FAM76B: variants seen among roughly 807,000 people sequenced by gnomAD.
The protein encoded by FAM76B is protein FAM76B.
FAM76B carries 16 observed loss-of-function variants against 51.8 expected under a neutral mutation model. That is an observed-to-expected ratio of 0.31 (90% CI 0.21 to 0.47). The LOEUF (loss-of-function observed/expected upper bound fraction) is 0.47. FAM76B is among the 20% of genes least tolerant of loss of function. FAM76B has a pLI of 1.00. For missense variants in FAM76B, 342 were observed against 392.6 expected, an observed-to-expected ratio of 0.87 and a Z score of 1.09; for synonymous variants, 166 against 129.5, an observed-to-expected ratio of 1.28 and a Z score of -1.91.
At position 95,772,061 on chromosome 11, in the gene FAM76B, G is replaced by A. The variant is rs1591005977; in HGVS notation, c.931-411C>T. Among the ~76,000 whole-genome samples, 5 of 151,186 alleles carry A rather than the reference G, an allele frequency of 3.3e-5. No homozygotes were observed. In the South Asian group the frequency reaches 1.0e-3, roughly 31 times the overall value. ...CAAAGAATGAATCAAGATTTGGGAGGAGTATTTCCTGGCAAGCTGTATAAG... is the reference window on the plus strand; with the variant it reads ...CAAAGAATGAATCAAGATTTGGGAGAAGTATTTCCTGGCAAGCTGTATAAG... On this transcript the variant is annotated intron_variant, in intron 9 of 9. Coordinates refer to ENST00000358780, the MANE Select transcript of FAM76B (RefSeq NM_144664.5).
intron 5 of FAM76B, among the ~76,000 whole-genome samples, chr11:95,780,204 A>T (rs2120236667): frequency 6.6e-6 from 1 of 152,036 alleles, no homozygotes; most frequent in South Asian, 2.1e-4. Context: ...AGGGTGGGTT[A>T]CACAAGTAGT....
chr11:95,778,213 A>G (rs1471266869), intron 8 of FAM76B, among the ~76,000 whole-genome samples: 4 of 151,540 alleles, frequency 2.6e-5, no homozygotes, highest in Non-Finnish European at 5.9e-5. Context: ...ATAGCACAAG[A>G]CCTTAAATCC....
chr11:95,788,018 G>A (rs1340014454), intron 2 of FAM76B, among the ~76,000 whole-genome samples: 1 of 152,054 alleles, frequency 6.6e-6, no homozygotes, highest in Non-Finnish European at 1.5e-5. Flanking sequence ...ACATTATAAT[G>A]CCCACACCTA....
intron 7 of FAM76B, 75 bp downstream of exon 7, chr11:95,779,532 T>C (rs890795528): frequency 1.6e-5 from 19 of 1,192,362 alleles, no homozygotes; most frequent in African/African-American, 3.1e-5. Flanking sequence ...TTTTTTTATC[T>C]AGTAATAACT....
intron 2 of FAM76B, among the ~76,000 whole-genome samples, chr11:95,788,264 T>C (rs1272123776): frequency 6.6e-6 from 1 of 152,252 alleles, no homozygotes; most frequent in Non-Finnish European, 1.5e-5. Flanking sequence ...AGGCTGTACA[T>C]TTTCCATGTA....
At position 95,789,271 on chromosome 11, in the gene FAM76B, G is replaced by A. The variant is rs187993188; in HGVS notation, c.87+121C>T. 670 of 1,119,516 alleles carry A rather than the reference G, an allele frequency of 6.0e-4. 5 individuals carry two copies. The African/African-American group carries it at 9.6e-3, about 16-fold the overall frequency. 69.3% of individuals were successfully genotyped at this position (1,119,516 alleles called of 1,614,324 possible). On this transcript the variant is annotated intron_variant, in intron 1 of 9. Coordinates refer to ENST00000358780, the MANE Select transcript of FAM76B (RefSeq NM_144664.5). ...AGGGGTCCCCGAGTGGGGAGGCGAG[G>A]GCTCCAGACTCCCAAACCCCTGAGG...
chr11:95,781,493 C>T (rs1055738833), intron 5 of FAM76B, among the ~76,000 whole-genome samples: 1 of 151,994 alleles, frequency 6.6e-6, no homozygotes, highest in African/African-American at 2.4e-5. Context: ...TTTTTGAAAC[C>T]TGTCATTCTT....
intron 4 of FAM76B, among the ~76,000 whole-genome samples, chr11:95,785,113 G>A (rs1387932690): frequency 6.6e-6 from 1 of 152,148 alleles, no homozygotes; most frequent in Non-Finnish European, 1.5e-5. Context: ...AAGGGATAAA[G>A]ACCACATTCA....
intron 9 of FAM76B, 154 bp downstream of exon 9, chr11:95,775,768 A>T: frequency 4.5e-6 from 2 of 442,220 alleles, no homozygotes; most frequent in Non-Finnish European, 8.0e-6. Context: ...TTCTAATGAG[A>T]TCAAGATTAA....
In FAM76B at chr11:95,789,320, G is replaced by A. The variant is rs1203519285; in HGVS notation, c.87+72C>T. On this transcript the variant is annotated intron_variant, in intron 1 of 9. Transcript: ENST00000358780. Reference sequence around the variant, plus strand: ...GGCGCCGGCGAAGAGGGGCTGCAGTGCAGCGGCTACCCGGCCCCCTCCGGC... The same window carrying A: ...GGCGCCGGCGAAGAGGGGCTGCAGTACAGCGGCTACCCGGCCCCCTCCGGC... 5 of 1,484,862 alleles carry A rather than the reference G, an allele frequency of 3.4e-6. No homozygotes were observed. The East Asian group carries it at 1.2e-4, about 37-fold the overall frequency. 92.0% of individuals were successfully genotyped at this position (1,484,862 alleles called of 1,614,324 possible). A position where few individuals can be genotyped will look rare whatever the true frequency, so the allele number is the denominator to read the frequency against.
rs1860734253 is a variant in FAM76B, at chr11:95,788,530, T to C, written c.121A>G (p.Thr41Ala). 6.2e-7 allele frequency: 1 copy of C among 1,612,978 alleles called. No homozygotes were observed. Among genetic ancestry groups the C allele is most frequent in the Non-Finnish European group, 8.5e-7 (1 of 1,179,590 alleles). ...TGTTGAAATTCTGATCTGCAGTAAG[T>C]ACATTTTACAATAGGATGTGCAATC... is the stretch of plus-strand genomic sequence containing the variant. ...CRIAHPIVKC[T>A]YCRSEFQQES... is the part of the protein sequence containing the mutation. The change falls in exon 2 of 10, where the codon ACT becomes GCT. Residue 41 changes from threonine (T) to alanine (A), a missense_variant. This residue lies in a region of FAM76B where 96 missense variants were observed against 94.7 expected (regional missense o/e 1.01). Coordinates refer to ENST00000358780, the MANE Select transcript of FAM76B (RefSeq NM_144664.5).
Position 95,788,479 on chromosome 11 carries a change from A to G in FAM76B, c.152+20T>C, listed in dbSNP as rs776044356. 4 of 1,577,664 alleles carry G rather than the reference A, an allele frequency of 2.5e-6. No individual in the cohort carries two copies. Among genetic ancestry groups the G allele is most frequent in the Non-Finnish European group, 3.5e-6 (4 of 1,148,954 alleles). ...GACAACACTTGTCTTTAACAGTCAA[A>G]AACTATTCAGTATACAAACCTCTCT... On this transcript the variant is annotated intron_variant, in intron 2 of 9. Coordinates refer to ENST00000358780, the MANE Select transcript of FAM76B (RefSeq NM_144664.5).
At chr11:95,788,598 T>C (rs755982026) in intron 1 of FAM76B, 35 bp from the exon 2 acceptor site, 3 of 1,578,074 alleles carry the variant, frequency 1.9e-6, no homozygotes, top group South Asian at 2.2e-5. Flanking sequence ...AGTATCTTTC[T>C]GAAAGTCCCA....
intron 5 of FAM76B, among the ~76,000 whole-genome samples, chr11:95,780,487 A>C (rs143294768): frequency 1.7e-3 from 252 of 152,118 alleles, no homozygotes; most frequent in African/African-American, 4.3e-3. Flanking sequence ...AACTATTGAG[A>C]AATTTCATAG....
At position 95,789,392 on chromosome 11, in the gene FAM76B, C is replaced by G; in HGVS notation, c.87G>C (p.Lys29Asn). The change falls in exon 1 of 10, where the codon AAG (lysine) becomes AAC (asparagine). Residue 29 changes from lysine to asparagine, a missense_variant and splice_region_variant. Around this residue, in one of 3 missense-constraint regions of FAM76B, gnomAD observed 96 missense variants for 94.7 expected, o/e 1.01. Coordinates refer to ENST00000358780, the MANE Select transcript of FAM76B (RefSeq NM_144664.5). ...EELSQGQQLCKECRIAHPIVK... is the reference protein window; with the variant it reads ...EELSQGQQLCNECRIAHPIVK... ...CGCCCGCCTCCCGGAGCCCACGGAC[C>G]TTGCAGAGCTGCTGGCCCTGGGAGA... 1 of 1,597,660 alleles carries G rather than the reference C, an allele frequency of 6.3e-7. No homozygotes were observed. Among genetic ancestry groups the G allele is most frequent in the Non-Finnish European group, 8.5e-7 (1 of 1,172,606 alleles).
At chr11:95,788,026 C>T (rs1004806816) in intron 2 of FAM76B, among the ~76,000 whole-genome samples, 14 of 152,170 alleles carry the variant, frequency 9.2e-5, no homozygotes, top group African/African-American at 2.2e-4. Context: ...ATGCCCACAC[C>T]TATTTATGAA....
rs1461653444 is a variant in FAM76B, at chr11:95,786,160, G to C, written c.322C>G (p.Gln108Glu). The C allele has an allele frequency of 6.2e-7, 1 of 1,613,700 alleles. No homozygotes were observed. The highest frequency in any genetic ancestry group is 8.5e-7 in the Non-Finnish European group (1 of 1,179,778). The stretch of plus-strand genomic sequence containing the variant: ...TCCTTCCGATCAAAAGCACATTGCT[G>C]TTTGCACTGTTCACAGGTCTGAGGT... ...GPPQTCEQCKQQCAFDRKEEG... is the reference protein window; with the variant it reads ...GPPQTCEQCKEQCAFDRKEEG... The change falls in exon 4 of 10, where the codon CAG becomes GAG. Residue 108 changes from glutamine to glutamate, a missense_variant. This residue lies in a region of FAM76B where 16 missense variants were observed against 40.5 expected (regional missense o/e 0.40). Coordinates refer to ENST00000358780, the MANE Select transcript of FAM76B (RefSeq NM_144664.5).
rs1433065427 is a variant in FAM76B at position 95,789,643 on chromosome 11, G to GCCACCGTCTCCCTCCGCCT, written c.-184_-166dup. 1.3e-5 allele frequency: 7 copies of GCCACCGTCTCCCTCCGCCT among 544,988 alleles called. No homozygotes were observed. The highest frequency in any genetic ancestry group is 4.8e-4 in the Middle Eastern group (1 of 2,090). The allele number at this position is 544,988 out of a possible 1,614,324, so 33.8% of individuals were successfully genotyped here. Reference sequence around the variant, plus strand: ...GAGAGCCCAGGGCCCCGCGGACGACGCCACCGTCTCCCTCCGCCTCCACTT... The same window carrying GCCACCGTCTCCCTCCGCCT: ...GAGAGCCCAGGGCCCCGCGGACGACGCCACCGTCTCCCTCCGCCTCCACCGTCTCCCTCCGCCTCCACTT... On this transcript the variant is annotated 5_prime_UTR_variant, in exon 1 of 10. Coordinates refer to ENST00000358780, the MANE Select transcript of FAM76B (RefSeq NM_144664.5).
chr11:95,772,177 C>T (rs1397200096), intron 9 of FAM76B, among the ~76,000 whole-genome samples: 2 of 150,992 alleles, frequency 1.3e-5, no homozygotes, highest in South Asian at 2.1e-4. Context: ...GCCAAATGCA[C>T]CCAATGATAT....
Sources: allele counts gnomAD v4.1 joint callset (sites outside exome capture counted in the v4.1 genomes callset), GRCh38; gene constraint gnomAD v4.1.1; regional missense constraint gnomAD v4.1.1; transcripts MANE v1.5; gene names NCBI Gene and HGNC (gene_info 2026-07-23, HGNC 2026-07-21).